Variants in KPRP observed in about 807,000 individuals in gnomAD.
The protein encoded by KPRP is keratinocyte proline rich protein.
For missense variants in KPRP, 820 were observed against 746.4 expected (o/e 1.10, Z -1.15); for synonymous variants, 282 against 276.9 (o/e 1.02, Z -0.18).
exon 1 of KPRP, chr1:152,761,053 G>C (rs1557828397): frequency 6.2e-7 from 1 of 1,613,828 alleles, no homozygotes; most frequent in Non-Finnish European, 8.5e-7. Context: ...CCCAAGCCCG[G>C]AGCCCTGCAG....
exon 1 of KPRP, chr1:152,760,244 C>T (rs1359846173): frequency 6.2e-7 from 1 of 1,614,154 alleles, no homozygotes; most frequent in South Asian, 1.1e-5. Context: ...AGCTGTTTCC[C>T]TCAGTATCGG....
At chr1:152,759,672 C>G in exon 1 of KPRP, 1 of 1,614,160 alleles carries the variant, frequency 6.2e-7, no homozygotes, top group Non-Finnish European at 8.5e-7. Flanking sequence ...CCTCTCAATC[C>G]CCCTTTGCCC....
chr1:152,758,331 G>A (rs536533167), upstream of KPRP, among the ~76,000 whole-genome samples: 1 of 152,270 alleles, frequency 6.6e-6, no homozygotes, highest in South Asian at 2.1e-4. Flanking sequence ...TGATCTTTCT[G>A]GAAAAGCCAC....
exon 1 of KPRP, chr1:152,761,514 C>A: frequency 1.7e-6 from 2 of 1,144,576 alleles, no homozygotes; most frequent in South Asian, 1.7e-5. Flanking sequence ...GATGCCTCTC[C>A]AGCCTCACGT....
exon 1 of KPRP, chr1:152,760,392 C>T (rs1166057699): frequency 6.2e-7 from 1 of 1,614,168 alleles, no homozygotes; most frequent in Admixed American, 1.7e-5. Flanking sequence ...TCCCCCGCAG[C>T]TGTTCCCCAC....
chr1:152,758,995 TA>T (rs1651023535), upstream of KPRP, among the ~76,000 whole-genome samples: 1 of 152,260 alleles, frequency 6.6e-6, no homozygotes, highest in Non-Finnish European at 1.5e-5. Flanking sequence ...TGAATTTATC[TA>T]AAAACATTGA....
exon 1 of KPRP, chr1:152,760,137 G>A (rs779939554): frequency 6.8e-6 from 11 of 1,614,060 alleles, no homozygotes; most frequent in Non-Finnish European, 9.3e-6. Context: ...CCCAGTGCCA[G>A]TATCAAGGCT....
chr1:152,761,260 G>A (rs200401693), exon 1 of KPRP: 4 of 1,614,224 alleles, frequency 2.5e-6, no homozygotes, highest in African/African-American at 2.7e-5. Flanking sequence ...GAGGGGTCAG[G>A]ATGGCCATGG....
At chr1:152,760,283 C>T (rs769007458) in exon 1 of KPRP, 15 of 1,614,034 alleles carry the variant, frequency 9.3e-6, no homozygotes, top group South Asian at 3.3e-5. Context: ...CCCTGTGTGC[C>T]CCAGTGCCAG....
upstream of KPRP, among the ~76,000 whole-genome samples, chr1:152,759,106 C>A (rs567628888): frequency 6.6e-6 from 1 of 152,342 alleles, no homozygotes; most frequent in South Asian, 2.1e-4. Context: ...TGCTTATTCT[C>A]ATATGTACGT....
chr1:152,760,599 G>A (rs778900206), exon 1 of KPRP: 1 of 1,608,910 alleles, frequency 6.2e-7, no homozygotes, highest in Non-Finnish European at 8.5e-7. Context: ...GCCCCAGGCA[G>A]GTTCCCCCAC....
exon 1 of KPRP, chr1:152,760,781 G>T (rs1651096280): frequency 6.2e-7 from 1 of 1,614,176 alleles, no homozygotes; most frequent in African/African-American, 1.3e-5. Flanking sequence ...CCACTGCAGC[G>T]ATGTCCACCT....
exon 1 of KPRP, chr1:152,760,119 A>G (rs1557827414): frequency 1.2e-6 from 2 of 1,614,112 alleles, no homozygotes; most frequent in Admixed American, 3.3e-5. Flanking sequence ...CTCAGGGAAG[A>G]TTCTCCACCC....
exon 1 of KPRP, chr1:152,761,202 G>A (rs1428271028): frequency 1.2e-6 from 2 of 1,614,200 alleles, no homozygotes; most frequent in Non-Finnish European, 1.7e-6. Flanking sequence ...ACAACCAGGG[G>A]CAAGAGAGTG....
exon 1 of KPRP, chr1:152,760,930 C>G: frequency 6.2e-7 from 1 of 1,613,440 alleles, no homozygotes; most frequent in Non-Finnish European, 8.5e-7. Flanking sequence ...GCGGCCAGTT[C>G]CCCTTCCTCG....
chr1:152,760,460 TC>T lies in KPRP; in HGVS notation c.875del (p.Pro292LeufsTer79). The stretch of plus-strand genomic sequence containing the variant: ...CTGCCACTAAGACCCTCTGAAGGTT[TC>T]CCTAACTACTGCACCCCACCCCGCC... On this transcript the variant is annotated frameshift_variant, in exon 1 of 1. Coordinates refer to ENST00000606109, the Ensembl canonical transcript of KPRP. LOFTEE classifies it low-confidence loss of function (END_TRUNC). 1 of 1,613,546 alleles carries T rather than the reference TC, an allele frequency of 6.2e-7. No individual in the cohort carries two copies. Among genetic ancestry groups the T allele is most frequent in the Non-Finnish European group, 8.5e-7 (1 of 1,179,946 alleles).
chr1:152,761,470 TGCC>T, exon 1 of KPRP: 2 of 1,431,396 alleles, frequency 1.4e-6, no homozygotes. Flanking sequence ...CAAACTCCTT[TGCC>T]TATCATCCAA....
exon 1 of KPRP, chr1:152,761,105 C>T (rs1651114724): frequency 6.2e-7 from 1 of 1,614,016 alleles, no homozygotes; most frequent in African/African-American, 1.3e-5. Flanking sequence ...GGCCCAAATC[C>T]AGTTCCATAC....
exon 1 of KPRP, chr1:152,760,397 C>G (rs1410312833): frequency 6.2e-7 from 1 of 1,614,146 alleles, no homozygotes; most frequent in Admixed American, 1.7e-5. Context: ...CGCAGCTGTT[C>G]CCCACCAAGA....
Sources: gnomAD v4.1 joint callset for allele counts (sites outside exome capture counted in the v4.1 genomes callset) on GRCh38, gnomAD v4.1.1 for gene constraint, MANE v1.5 for transcripts, NCBI Gene and HGNC (gene_info 2026-07-23, HGNC 2026-07-21) for gene names.